Variants in KIDINS220 observed in about 807,000 individuals in gnomAD.
KIDINS220 encodes kinase D-interacting substrate of 220 kDa.
Under a neutral mutation model 157.6 loss-of-function variants are expected in KIDINS220, and 63 were observed. That is an observed-to-expected ratio of 0.40 (90% CI 0.33 to 0.49). The LOEUF is 0.49. KIDINS220 is among the 20% of genes least tolerant of loss of function. KIDINS220 has a pLI of 0.66. For synonymous variants in KIDINS220, 732 were observed against 783.6 expected (o/e 0.93, Z 1.10); for missense variants, 1,772 against 2,171.2 (o/e 0.82, Z 3.65).
chr2:8,757,680 T>C, intron 22 of KIDINS220: 4 of 1,612,554 alleles, frequency 2.5e-6, no homozygotes, highest in Non-Finnish European at 3.4e-6. Context: ...CCTGCTTATT[T>C]GCAAATGCCA....
chr2:8,818,582 A>C (rs73151234), intron 3 of KIDINS220, 113 bp downstream of exon 3: 1 of 624,534 alleles, frequency 1.6e-6, no homozygotes, highest in African/African-American at 1.9e-5. Context: ...CCACTAGGCA[A>C]AGTTGAAATA....
At chr2:8,809,301 A>C (rs1553333571) in intron 6 of KIDINS220, among the ~76,000 whole-genome samples, 1 of 151,924 alleles carries the variant, frequency 6.6e-6, no homozygotes, top group Non-Finnish European at 1.5e-5. Context: ...GATTACAGGC[A>C]TGAGCCACTG....
At chr2:8,783,063 G>A (rs1414730804) in intron 17 of KIDINS220, among the ~76,000 whole-genome samples, 1 of 152,134 alleles carries the variant, frequency 6.6e-6, no homozygotes, top group Non-Finnish European at 1.5e-5. Context: ...TGGGCATGCT[G>A]TTGCATGCCT....
intron 1 of KIDINS220, among the ~76,000 whole-genome samples, chr2:8,834,820 T>C (rs554915282): frequency 1.3e-5 from 2 of 152,194 alleles, no homozygotes; most frequent in African/African-American, 2.4e-5. Context: ...TGTATGTATA[T>C]GTATGTATGT....
intron 11 of KIDINS220, 71 bp from the exon 12 acceptor site, chr2:8,794,058 A>T: frequency 8.5e-7 from 1 of 1,174,972 alleles, no homozygotes; most frequent in East Asian, 2.5e-5. Context: ...AACAATTTTC[A>T]TGTTTCTGTA....
chr2:8,811,221 GAA>G (rs1676260456), intron 6 of KIDINS220, among the ~76,000 whole-genome samples: 1 of 150,104 alleles, frequency 6.7e-6, no homozygotes, highest in South Asian at 2.1e-4. Flanking sequence ...CTATAAATGT[GAA>G]AAGACTATGA....
At chr2:8,826,929 T>C (rs369854424) in intron 2 of KIDINS220, 57 bp downstream of exon 2, 3 of 926,848 alleles carry the variant, frequency 3.2e-6, no homozygotes, top group Non-Finnish European at 1.8e-6. Context: ...ATCCTATACA[T>C]AGCAGGCAGT....
chr2:8,813,484 C>A, intron 4 of KIDINS220, 149 bp from the exon 5 acceptor site: 1 of 556,508 alleles, frequency 1.8e-6, no homozygotes, highest in South Asian at 3.0e-5. Context: ...CCCAGGCTCC[C>A]CAAATACAAT....
intron 17 of KIDINS220, among the ~76,000 whole-genome samples, chr2:8,780,358 T>C (rs1027259278): frequency 5.3e-5 from 8 of 152,218 alleles, no homozygotes; most frequent in African/African-American, 1.9e-4. Context: ...AACATGCTAC[T>C]GTTATGATGT....
At chr2:8,754,693 T>C (rs893733993) in intron 22 of KIDINS220, among the ~76,000 whole-genome samples, 3 of 152,242 alleles carry the variant, frequency 2.0e-5, no homozygotes, top group African/African-American at 7.2e-5. Context: ...TATTAATTCC[T>C]TGGCAGAAAT....
At chr2:8,749,471 G>A (rs918488042) in intron 24 of KIDINS220, 1 of 449,594 alleles carries the variant, frequency 2.2e-6, no homozygotes, top group African/African-American at 2.0e-5. Flanking sequence ...ATATAGCTTG[G>A]GCCTACTAAA....
Position 8,736,851 on chromosome 2 carries a change from G to GT in KIDINS220, c.3717+16dup. The GT allele has an allele frequency of 2.5e-6, 4 of 1,613,836 alleles. No homozygotes were observed. The highest frequency in any genetic ancestry group is 3.4e-6 in the Non-Finnish European group (4 of 1,179,846). On this transcript the variant is annotated intron_variant, in intron 27 of 29. Coordinates refer to ENST00000256707, the MANE Select transcript of KIDINS220 (RefSeq NM_020738.4). ...CCCCAGCGCTGTCTCTGGTCCGTGT[G>GT]TAAGTGGCTGCCTCACCTTTTTGAT...
chr2:8,743,422 A>C (rs1447211548), intron 26 of KIDINS220, among the ~76,000 whole-genome samples: 1 of 152,166 alleles, frequency 6.6e-6, no homozygotes, highest in Non-Finnish European at 1.5e-5. Context: ...TAGTAATAAT[A>C]ATAATGAAGT....
chr2:8,793,143 C>G (rs1673432500), intron 12 of KIDINS220, among the ~76,000 whole-genome samples: 1 of 151,916 alleles, frequency 6.6e-6, no homozygotes, highest in Non-Finnish European at 1.5e-5. Flanking sequence ...TGTTTTCATT[C>G]TTGAAATGTA....
chr2:8,742,024 A>T (rs1665692492), intron 26 of KIDINS220, among the ~76,000 whole-genome samples: 2 of 152,084 alleles, frequency 1.3e-5, no homozygotes. Context: ...CTCCCTACCT[A>T]TGGCACCTTT....
At chr2:8,772,510 A>C (rs1670366585) in intron 21 of KIDINS220, among the ~76,000 whole-genome samples, 1 of 152,124 alleles carries the variant, frequency 6.6e-6, no homozygotes, top group Non-Finnish European at 1.5e-5. Context: ...TAATAAAAGT[A>C]AATATTCTAT....
In KIDINS220 at chr2:8,729,683, C is replaced by T. The variant is rs529564868; in HGVS notation, c.*1037G>A. On this transcript the variant is annotated 3_prime_UTR_variant, in exon 30 of 30. Transcript: ENST00000256707. Reference sequence around the variant, plus strand: ...ATGATCCTTCCCCAGAACTAACATGCTGACTTAGGAACAGATGAAGTAGAT... The same window carrying T: ...ATGATCCTTCCCCAGAACTAACATGTTGACTTAGGAACAGATGAAGTAGAT... 3.9e-5 allele frequency: 38 copies of T among 984,962 alleles called. No homozygotes were observed. In the South Asian group the frequency reaches 1.3e-3, roughly 33 times the overall value. 61.0% of individuals were successfully genotyped at this position (984,962 alleles called of 1,614,324 possible). A position where few individuals can be genotyped will look rare whatever the true frequency, so the allele number is the denominator to read the frequency against.
chr2:8,808,024 TGATGCAGGACGATCACTTAA>T (rs1558464777), intron 6 of KIDINS220, among the ~76,000 whole-genome samples: 2 of 151,908 alleles, frequency 1.3e-5, no homozygotes, highest in African/African-American at 4.8e-5. Context: ...CCGGGGAGGC[TGATGCAGGACGATCACTTAA>T]ACCTAAGAGG....
At chr2:8,800,203 T>C in intron 9 of KIDINS220, 197 bp downstream of exon 9, 1 of 468,896 alleles carries the variant, frequency 2.1e-6, no homozygotes, top group Non-Finnish European at 3.7e-6. Context: ...GGTTTACCTC[T>C]ATCTACATTT....
Sources: allele counts gnomAD v4.1 joint callset (sites outside exome capture counted in the v4.1 genomes callset), GRCh38; gene constraint gnomAD v4.1.1; transcripts MANE v1.5; gene names NCBI Gene and HGNC (gene_info 2026-07-23, HGNC 2026-07-21).